Variants in PRR5 observed in about 807,000 individuals in gnomAD.
The protein encoded by PRR5 is proline rich 5.
In PRR5, 25 loss-of-function variants were observed where a neutral mutation model predicts 30.6. The ratio of observed to expected loss-of-function variants is 0.82; its 90% CI spans 0.60 to 1.14. PRR5 has a LOEUF of 1.14. PRR5 is among the 50% of genes most tolerant of loss of function. The pLI is 0.00. For synonymous variants in PRR5, 286 were observed against 247.1 expected, an observed-to-expected ratio of 1.16 and a Z score of -1.48; for missense variants, 600 against 547.1, an observed-to-expected ratio of 1.10 and a Z score of -0.96.
Position 44,702,397 on chromosome 22 carries a change from CCCGG to C in PRR5, c.-77_-74del. On this transcript the variant is annotated 5_prime_UTR_variant, in exon 1 of 8. Coordinates refer to ENST00000336985, the MANE Select transcript of PRR5 (RefSeq NM_181333.4). ...TTCCGCGTAGAGGGCGCATCGCCGGCCCGGGGCCCTTGGTGCGGCGTGGCGCAGG... is the reference window on the plus strand; with the variant it reads ...TTCCGCGTAGAGGGCGCATCGCCGGCGGCCCTTGGTGCGGCGTGGCGCAGG... 1 of 1,222,912 alleles carries C rather than the reference CCCGG, an allele frequency of 8.2e-7. No individual in the cohort carries two copies. 75.8% of individuals were successfully genotyped at this position (1,222,912 alleles called of 1,614,324 possible).
chr22:44,709,231 T>A (rs1261065485), intron 1 of PRR5, among the ~76,000 whole-genome samples: 1 of 152,132 alleles, frequency 6.6e-6, no homozygotes, highest in African/African-American at 2.4e-5. Context: ...CCAAGCTCCG[T>A]GCCTCTCAGA....
intron 1 of PRR5, among the ~76,000 whole-genome samples, chr22:44,681,856 A>T (rs953266333): frequency 6.6e-6 from 1 of 152,210 alleles, no homozygotes; most frequent in Non-Finnish European, 1.5e-5. Flanking sequence ...CCCTGTTCAG[A>T]GGTCCCTGTG....
intron 6 of PRR5, among the ~76,000 whole-genome samples, chr22:44,733,191 G>T (rs1277949531): frequency 6.6e-6 from 1 of 152,222 alleles, no homozygotes; most frequent in East Asian, 1.9e-4. Context: ...GAAAGGAGTG[G>T]GGCCCCCAGT....
intron 1 of PRR5, among the ~76,000 whole-genome samples, chr22:44,671,566 A>C (rs1923428647): frequency 6.6e-6 from 1 of 152,108 alleles, no homozygotes; most frequent in African/African-American, 2.4e-5. Context: ...AGGAGCCTTC[A>C]GAAGCCAGGG....
intron 4 of PRR5, chr22:44,729,380 C>T (rs1487342256): frequency 1.0e-6 from 1 of 985,160 alleles, no homozygotes; most frequent in East Asian, 1.1e-4. Flanking sequence ...GCGCCCACAG[C>T]GAGAACCCCA....
At chr22:44,668,975 C>A (rs1419645503) in intron 1 of PRR5, among the ~76,000 whole-genome samples, 1 of 149,492 alleles carries the variant, frequency 6.7e-6, no homozygotes, top group African/African-American at 2.5e-5. Context: ...ACGCCGACTG[C>A]GGGGCCCTAG....
chr22:44,731,410 C>T (rs1433045866), intron 4 of PRR5: 1 of 449,158 alleles, frequency 2.2e-6, no homozygotes, highest in Non-Finnish European at 4.1e-6. Context: ...GTGACAAAGG[C>T]CTGGGAATTG....
At chr22:44,705,728 G>A (rs2147026576) in intron 1 of PRR5, among the ~76,000 whole-genome samples, 1 of 151,742 alleles carries the variant, frequency 6.6e-6, no homozygotes, top group South Asian at 2.1e-4. Context: ...GGGTTCAAGT[G>A]ATTCTCCTGT....
rs1030106229 is a variant in PRR5 at position 44,702,377 on chromosome 22, C to A, written c.-98C>A. 8 of 1,198,386 alleles carry A rather than the reference C, an allele frequency of 6.7e-6. No homozygotes were observed. The highest frequency in any genetic ancestry group is 6.4e-5 in the African/African-American group (4 of 62,194). 74.2% of individuals were successfully genotyped at this position (1,198,386 alleles called of 1,614,324 possible). On this transcript the variant is annotated 5_prime_UTR_variant, in exon 1 of 8. Transcript: ENST00000336985. The stretch of plus-strand genomic sequence containing the variant: ...CTTCCTGCTCTCGCCGGAGTTTCCG[C>A]GTAGAGGGCGCATCGCCGGCCCGGG...
intron 5 of PRR5, 132 bp from the exon 6 acceptor site, chr22:44,732,119 T>A (rs550106416): frequency 2.3e-5 from 32 of 1,419,366 alleles, no homozygotes; most frequent in Admixed American, 2.2e-4. Flanking sequence ...GACGGGGTCA[T>A]CTGAGGAGAA....
intron 2 of PRR5, among the ~76,000 whole-genome samples, chr22:44,716,643 G>C (rs1238798783): frequency 6.6e-6 from 1 of 152,220 alleles, no homozygotes; most frequent in East Asian, 1.9e-4. Context: ...GGTTGACGTG[G>C]GTTGCTTGAG....
chr22:44,737,558 A>C lies in PRR5; in HGVS notation c.*311A>C. 1 of 372,238 alleles carries C rather than the reference A, an allele frequency of 2.7e-6. No homozygotes were observed. 23.1% of individuals were successfully genotyped at this position (372,238 alleles called of 1,614,324 possible). On this transcript the variant is annotated 3_prime_UTR_variant, in exon 8 of 8. Transcript: ENST00000336985. ...TGGTGTCCACACCTGCCCACAGAGAATGTAAACCCAGTGGGCTCTGCCCAC... is the reference window on the plus strand; with the variant it reads ...TGGTGTCCACACCTGCCCACAGAGACTGTAAACCCAGTGGGCTCTGCCCAC...
intron 1 of PRR5, among the ~76,000 whole-genome samples, chr22:44,711,805 C>G (rs1928283320): frequency 6.6e-6 from 1 of 152,118 alleles, no homozygotes; most frequent in Non-Finnish European, 1.5e-5. Flanking sequence ...CCCAGAGGCT[C>G]TCCCAGCAGA....
At chr22:44,731,451 A>G in intron 4 of PRR5, 1 of 523,920 alleles carries the variant, frequency 1.9e-6, no homozygotes, top group Non-Finnish European at 3.5e-6. Flanking sequence ...GCAGACCCTG[A>G]GCCAAGTTCC....
At chr22:44,713,136 C>T (rs1028586354) in intron 1 of PRR5, among the ~76,000 whole-genome samples, 6 of 152,150 alleles carry the variant, frequency 3.9e-5, no homozygotes, top group African/African-American at 1.4e-4. Flanking sequence ...CGGGAGGAGC[C>T]TGGATGCTGC....
chr22:44,681,733 C>T (rs761942379), intron 1 of PRR5, among the ~76,000 whole-genome samples: 23 of 152,266 alleles, frequency 1.5e-4, no homozygotes, highest in East Asian at 5.8e-4. Flanking sequence ...AGGGGCCCTG[C>T]TGGGAAAGAG....
chr22:44,733,815 A>G (rs1340827180), intron 6 of PRR5, among the ~76,000 whole-genome samples: 1 of 152,072 alleles, frequency 6.6e-6, no homozygotes, highest in Non-Finnish European at 1.5e-5. Flanking sequence ...AGGACATAGG[A>G]GCCTGTACCA....
intron 4 of PRR5, chr22:44,729,372 G>T (rs754547777): frequency 1.5e-5 from 15 of 985,268 alleles, no homozygotes; most frequent in Non-Finnish European, 1.8e-5. Flanking sequence ...ACCAGCCTGC[G>T]CCCACAGCGA....
upstream of PRR5, among the ~76,000 whole-genome samples, chr22:44,698,328 G>A (rs1424787733): frequency 1.3e-5 from 2 of 149,688 alleles, no homozygotes; most frequent in African/African-American, 5.0e-5. Context: ...AGCAGGGGTG[G>A]CTCTGGTGGC....
Sources: gnomAD v4.1 joint callset for allele counts (sites outside exome capture counted in the v4.1 genomes callset) on GRCh38, gnomAD v4.1.1 for gene constraint, MANE v1.5 for transcripts, NCBI Gene and HGNC (gene_info 2026-07-23, HGNC 2026-07-21) for gene names.